Variants in SPTLC3 observed in about 807,000 individuals in gnomAD.
The protein encoded by SPTLC3 is serine palmitoyltransferase long chain base subunit 3.
SPTLC3 carries 36 observed loss-of-function variants against 59.3 expected under a neutral mutation model. The observed-to-expected ratio is 0.61, with a 90% CI of 0.47 to 0.80. The LOEUF (loss-of-function observed/expected upper bound fraction) is 0.80, where lower values mean the gene tolerates loss of function less well. Ranked by LOEUF, SPTLC3 falls within the 30% of genes least tolerant of loss-of-function variation. The pLI is 0.00. For synonymous variants in SPTLC3, 257 were observed against 240.8 expected, an observed-to-expected ratio of 1.07 and a Z score of -0.62; for missense variants, 625 against 685.1, an observed-to-expected ratio of 0.91 and a Z score of 0.98.
intron 6 of SPTLC3, among the ~76,000 whole-genome samples, chr20:13,109,277 T>C (rs1990087931): frequency 6.6e-6 from 1 of 152,222 alleles, no homozygotes. Context: ...TACATCACCA[T>C]TTCATTTGAG....
At chr20:13,043,164 T>G (rs890088684) in intron 1 of SPTLC3, among the ~76,000 whole-genome samples, 5 of 152,184 alleles carry the variant, frequency 3.3e-5, no homozygotes, top group African/African-American at 1.2e-4. Flanking sequence ...TCTATGCCAA[T>G]CTTGATCATG....
intron 1 of SPTLC3, among the ~76,000 whole-genome samples, chr20:13,042,672 A>G (rs986388459): frequency 6.6e-6 from 1 of 152,206 alleles, no homozygotes; most frequent in African/African-American, 2.4e-5. Context: ...TGCCTGAAGC[A>G]GGGGACAGGA....
intron 3 of SPTLC3, among the ~76,000 whole-genome samples, chr20:13,072,829 T>A (rs1474070342): frequency 6.6e-6 from 1 of 152,206 alleles, no homozygotes; most frequent in African/African-American, 2.4e-5. Flanking sequence ...CAGGTCTAAG[T>A]AACAATCCAT....
intron 6 of SPTLC3, among the ~76,000 whole-genome samples, chr20:13,097,017 T>C (rs974639627): frequency 6.6e-6 from 1 of 152,074 alleles, no homozygotes; most frequent in African/African-American, 2.4e-5. Context: ...TATAAGTGCT[T>C]AGCACAATGC....
intron 4 of SPTLC3, among the ~76,000 whole-genome samples, chr20:13,081,978 T>A (rs1359879456): frequency 6.6e-6 from 1 of 152,278 alleles, no homozygotes; most frequent in East Asian, 1.9e-4. Context: ...GACAACATAA[T>A]TGCCCTTCTC....
chr20:13,009,444 T>A (rs1985114325), intron 1 of SPTLC3, 60 bp downstream of exon 1: 1 of 1,441,046 alleles, frequency 6.9e-7, no homozygotes, highest in Admixed American at 1.7e-5. Flanking sequence ...TATTTCTCTG[T>A]GAAGATATTT....
At chr20:13,045,101 T>G (rs1987175470) in intron 1 of SPTLC3, among the ~76,000 whole-genome samples, 1 of 152,066 alleles carries the variant, frequency 6.6e-6, no homozygotes, top group Non-Finnish European at 1.5e-5. Flanking sequence ...TCCTCTAATG[T>G]TAGCCTAGGA....
intron 1 of SPTLC3, among the ~76,000 whole-genome samples, chr20:13,030,255 G>A (rs1284794777): frequency 6.6e-6 from 1 of 152,162 alleles, no homozygotes; most frequent in African/African-American, 2.4e-5. Flanking sequence ...TCATTCCTGT[G>A]GAATTTAGGA....
chr20:13,012,293 C>A (rs528505745), intron 1 of SPTLC3, among the ~76,000 whole-genome samples: 1 of 152,286 alleles, frequency 6.6e-6, no homozygotes, highest in East Asian at 1.9e-4. Flanking sequence ...TAGAGTTACT[C>A]TAATTCAAGG....
chr20:13,090,782 G>T (rs1255495367), intron 4 of SPTLC3, among the ~76,000 whole-genome samples: 1 of 152,182 alleles, frequency 6.6e-6, no homozygotes, highest in African/African-American at 2.4e-5. Flanking sequence ...TTTTTTAGAT[G>T]TCTGACTTTT....
chr20:13,130,466 C>A (rs1450351078), intron 9 of SPTLC3, among the ~76,000 whole-genome samples: 2 of 152,252 alleles, frequency 1.3e-5, no homozygotes, highest in Non-Finnish European at 2.9e-5. Flanking sequence ...ATCTGCAATG[C>A]AAAGCCATAC....
At chr20:13,108,262 AACAC>A (rs1054275393) in intron 6 of SPTLC3, among the ~76,000 whole-genome samples, 2 of 152,182 alleles carry the variant, frequency 1.3e-5, no homozygotes, top group African/African-American at 4.8e-5. Context: ...ATTAAAAAGA[AACAC>A]ACACACACAA....
Position 13,153,655 on chromosome 20 carries a change from A to G in SPTLC3, c.1280-348A>G, listed in dbSNP as rs899624487. Among the ~76,000 whole-genome samples, 4 of 152,262 alleles carry G rather than the reference A, an allele frequency of 2.6e-5. No individual in the cohort carries two copies. The East Asian group carries it at 7.7e-4, about 29-fold the overall frequency. ...GGGGGAAGTGGTTATGTTCCTTCTT[A>G]TCACACTCCCTTCTCTTGAGTTGAT... On this transcript the variant is annotated intron_variant, in intron 9 of 11. Coordinates refer to ENST00000399002, the MANE Select transcript of SPTLC3 (RefSeq NM_018327.4).
intron 9 of SPTLC3, among the ~76,000 whole-genome samples, chr20:13,138,309 T>TA (rs1169811163): frequency 2.3e-4 from 35 of 152,266 alleles, no homozygotes; most frequent in African/African-American, 8.4e-4. Context: ...TGCAGGCAGC[T>TA]TTTCCTCTAT....
chr20:13,114,040 C>T (rs917063814), intron 7 of SPTLC3, among the ~76,000 whole-genome samples: 4 of 152,152 alleles, frequency 2.6e-5, no homozygotes, highest in Non-Finnish European at 4.4e-5. Flanking sequence ...TGAGGCAGAG[C>T]GGGGATTAAA....
intron 6 of SPTLC3, among the ~76,000 whole-genome samples, chr20:13,105,037 G>T (rs1341681282): frequency 6.6e-6 from 1 of 152,144 alleles, no homozygotes; most frequent in African/African-American, 2.4e-5. Context: ...ATGTAAGCAT[G>T]CAGCTTGCTG....
intron 7 of SPTLC3, among the ~76,000 whole-genome samples, chr20:13,115,332 A>G (rs537853004): frequency 6.6e-6 from 1 of 152,278 alleles, no homozygotes; most frequent in South Asian, 2.1e-4. Flanking sequence ...CATTAACTCC[A>G]AAAGTCAGCA....
At chr20:13,098,627 G>T (rs1989501862) in intron 6 of SPTLC3, among the ~76,000 whole-genome samples, 1 of 152,080 alleles carries the variant, frequency 6.6e-6, no homozygotes, top group Admixed American at 6.6e-5. Context: ...ATGAAAAATA[G>T]ATAATAGTTA....
At chr20:13,025,667 T>C (rs926018237) in intron 1 of SPTLC3, among the ~76,000 whole-genome samples, 11 of 152,176 alleles carry the variant, frequency 7.2e-5, no homozygotes, top group Admixed American at 6.5e-5. Context: ...TGCCCCTTCT[T>C]TGGTGAAACA....
Sources: gnomAD v4.1 joint callset for allele counts (sites outside exome capture counted in the v4.1 genomes callset) on GRCh38, gnomAD v4.1.1 for gene constraint, MANE v1.5 for transcripts, NCBI Gene and HGNC (gene_info 2026-07-23, HGNC 2026-07-21) for gene names.